Variants in SEMA3A observed in about 807,000 individuals in gnomAD.
SEMA3A encodes the protein semaphorin-3A.
A neutral mutation model predicts 97.9 loss-of-function variants in SEMA3A; 29 were observed. The ratio of observed to expected loss-of-function variants is 0.30; its 90% CI spans 0.22 to 0.40. The LOEUF is 0.40. Among genes scored for constraint, SEMA3A ranks in the 10% least tolerant of loss-of-function variants. The probability of loss-of-function intolerance (pLI) is 1.00; values close to 1 mark genes in which losing one functional copy is unlikely to be tolerated. For synonymous variants in SEMA3A, 321 were observed against 323.7 expected, an observed-to-expected ratio of 0.99 and a Z score of 0.09; for missense variants, 763 against 951.3, an observed-to-expected ratio of 0.80 and a Z score of 2.60.
At chr7:84,155,306 G>C (rs777931170) in intron 1 of SEMA3A, among the ~76,000 whole-genome samples, 1 of 152,064 alleles carries the variant, frequency 6.6e-6, no homozygotes, top group Non-Finnish European at 1.5e-5. Context: ...ATCTCACATT[G>C]AATTTTCATA....
intron 1 of SEMA3A, among the ~76,000 whole-genome samples, chr7:84,190,172 G>C (rs1032042005): frequency 6.6e-6 from 1 of 151,590 alleles, no homozygotes; most frequent in Non-Finnish European, 1.5e-5. Context: ...TCTTTCAAAG[G>C]TCAATCTGGT....
At chr7:84,169,708 C>CA (rs2116198336) in intron 1 of SEMA3A, among the ~76,000 whole-genome samples, 1 of 151,420 alleles carries the variant, frequency 6.6e-6, no homozygotes, top group South Asian at 2.1e-4. Flanking sequence ...TAATCAATCA[C>CA]AAAAAGAATG....
chr7:84,356,294 G>A (rs1802559365), intron 2 of SEMA3A, among the ~76,000 whole-genome samples: 1 of 151,528 alleles, frequency 6.6e-6, no homozygotes, highest in South Asian at 2.1e-4. Flanking sequence ...TAGTGGTTAT[G>A]ACAGCTAATT....
intron 12 of SEMA3A, among the ~76,000 whole-genome samples, chr7:83,998,081 T>A (rs1026934218): frequency 3.3e-5 from 5 of 150,988 alleles, no homozygotes; most frequent in African/African-American, 9.8e-5. Flanking sequence ...CAGGTATAAG[T>A]CGGTTATGTA....
chr7:84,011,247 G>A lies in SEMA3A; in HGVS notation c.861C>T (p.Leu287=). Residue 287 remains leucine (L), a synonymous_variant, in exon 8 of 17, where the codon CTC becomes CTT. Coordinates refer to ENST00000265362, the MANE Select transcript of SEMA3A (RefSeq NM_006080.3). ...GCACTGAGCAAATCAGACGAGCTTT[G>A]AGGAATGTTGTCCATTTATTCACCA... ...RSLVNKWTTF[L]KARLICSVPG... is the part of the protein sequence containing the mutation. The A allele has an allele frequency of 1.9e-6, 3 of 1,614,006 alleles. No individual in the cohort carries two copies. The highest frequency in any genetic ancestry group is 2.5e-6 in the Non-Finnish European group (3 of 1,179,900).
At chr7:83,973,220 A>T (rs1269541720) in intron 15 of SEMA3A, among the ~76,000 whole-genome samples, 1 of 152,112 alleles carries the variant, frequency 6.6e-6, no homozygotes, top group Non-Finnish European at 1.5e-5. Context: ...TTCAAGGAGT[A>T]TTTTTTAATC....
chr7:84,017,156 A>G (rs952245232), intron 6 of SEMA3A, among the ~76,000 whole-genome samples: 1 of 152,186 alleles, frequency 6.6e-6, no homozygotes, highest in African/African-American at 2.4e-5. Context: ...AAAGAAAACA[A>G]TATTTTACAT....
intron 4 of SEMA3A, among the ~76,000 whole-genome samples, chr7:84,083,983 A>G (rs1794246986): frequency 1.3e-5 from 2 of 152,020 alleles, no homozygotes; most frequent in Admixed American, 6.6e-5. Context: ...AAGTGTCACT[A>G]CTAATTATAT....
chr7:83,977,589 G>T (rs1789203294), intron 14 of SEMA3A, among the ~76,000 whole-genome samples: 1 of 151,354 alleles, frequency 6.6e-6, no homozygotes, highest in South Asian at 2.1e-4. Flanking sequence ...TTCAATAAAG[G>T]GTAAATTAAA....
intron 5 of SEMA3A, among the ~76,000 whole-genome samples, chr7:84,051,689 GAATACCCTTTATTT>G: frequency 6.6e-6 from 1 of 152,144 alleles, no homozygotes; most frequent in African/African-American, 2.4e-5. Flanking sequence ...TTTCCTAATT[GAATACCCTTTATTT>G]CTTTCTCCTG....
intron 1 of SEMA3A, among the ~76,000 whole-genome samples, chr7:84,481,129 T>A (rs2116433249): frequency 6.6e-6 from 1 of 152,300 alleles, no homozygotes; most frequent in Non-Finnish European, 1.5e-5. Flanking sequence ...AGCAATCCTG[T>A]TCTTTGTATT....
intron 3 of SEMA3A, among the ~76,000 whole-genome samples, chr7:84,258,194 T>A (rs1562874925): frequency 6.6e-6 from 1 of 152,146 alleles, no homozygotes; most frequent in Non-Finnish European, 1.5e-5. Context: ...TTAGGGTGTT[T>A]CTTTTTGGGG....
At chr7:84,406,131 A>G (rs1019352058) in intron 1 of SEMA3A, among the ~76,000 whole-genome samples, 4 of 152,228 alleles carry the variant, frequency 2.6e-5, no homozygotes, top group Non-Finnish European at 4.4e-5. Flanking sequence ...GAAAAGATCA[A>G]CAAAATTGAT....
intron 15 of SEMA3A, among the ~76,000 whole-genome samples, chr7:83,972,370 A>G (rs967687229): frequency 6.6e-6 from 1 of 152,038 alleles, no homozygotes; most frequent in Non-Finnish European, 1.5e-5. Flanking sequence ...AGCAATACCA[A>G]TATGAAGATA....
intron 3 of SEMA3A, among the ~76,000 whole-genome samples, chr7:84,267,966 T>G (rs56013706): frequency 0.072 from 10,897 of 152,224 alleles, 547 homozygotes; most frequent in Non-Finnish European, 0.084. Flanking sequence ...TGTCTGATTT[T>G]CTTATAGAAA....
intron 2 of SEMA3A, among the ~76,000 whole-genome samples, chr7:84,348,519 T>A (rs1188965213): frequency 6.6e-6 from 1 of 152,174 alleles, no homozygotes; most frequent in Non-Finnish European, 1.5e-5. Context: ...AGGAATATAG[T>A]AGTTACAGTG....
chr7:84,276,346 T>A (rs1800295090), intron 3 of SEMA3A, among the ~76,000 whole-genome samples: 1 of 152,108 alleles, frequency 6.6e-6, no homozygotes, highest in Admixed American at 6.6e-5. Flanking sequence ...AGTCACTCAC[T>A]GGCTCCTTAA....
At chr7:84,268,046 C>T (rs1800048603) in intron 3 of SEMA3A, among the ~76,000 whole-genome samples, 1 of 152,024 alleles carries the variant, frequency 6.6e-6, no homozygotes, top group African/African-American at 2.4e-5. Context: ...TGTATAACTA[C>T]ATTACTTTAT....
At chr7:84,487,018 T>C (rs772373783) in intron 1 of SEMA3A, among the ~76,000 whole-genome samples, 7 of 152,142 alleles carry the variant, frequency 4.6e-5, no homozygotes, top group Non-Finnish European at 8.8e-5. Flanking sequence ...GTGAAGTTAC[T>C]ACTAATTAGA....
Sources: gnomAD v4.1 joint callset for allele counts (sites outside exome capture counted in the v4.1 genomes callset) on GRCh38, gnomAD v4.1.1 for gene constraint, MANE v1.5 for transcripts, NCBI Gene and HGNC (gene_info 2026-07-23, HGNC 2026-07-21) for gene names.